The following RASGRP3 variants were observed in gnomAD, a reference collection of about 807,000 sequenced individuals.
RASGRP3 encodes ras guanyl-releasing protein 3.
A neutral mutation model predicts 82.7 loss-of-function variants in RASGRP3; 54 were observed. The ratio of observed to expected loss-of-function variants is 0.65; its 90% confidence interval spans 0.52 to 0.82. The LOEUF is 0.82. Among genes scored for constraint, RASGRP3 ranks in the 40% least tolerant of loss-of-function variants. The pLI is 0.00. For synonymous variants in RASGRP3, 309 were observed against 300.5 expected (o/e 1.03, Z -0.29); for missense variants, 861 against 828.9 (o/e 1.04, Z -0.48).
intron 2 of RASGRP3, among the ~76,000 whole-genome samples, chr2:33,471,489 T>C (rs1194332675): frequency 6.6e-6 from 1 of 152,068 alleles, no homozygotes; most frequent in African/African-American, 2.4e-5. Flanking sequence ...GCCTTATTTT[T>C]TACATCTTTA....
intron 7 of RASGRP3, 82 bp downstream of exon 7, chr2:33,522,184 G>A: frequency 1.4e-6 from 2 of 1,463,114 alleles, no homozygotes; most frequent in Middle Eastern, 2.1e-4. Flanking sequence ...ATACTCTGAA[G>A]TGTTGGCAGC....
In RASGRP3 at chr2:33,515,135, C is replaced by T. The variant is rs375302546; in HGVS notation, c.-2C>T. On this transcript the variant is annotated 5_prime_UTR_variant, in exon 3 of 18. Transcript: ENST00000403687. ...TAGTTTTTTGACAACGGCTAAATAA[C>T]CATGGGATCAAGTGGCCTTGGGAAA... 1.9e-6 allele frequency: 3 copies of T among 1,613,700 alleles called. No individual in the cohort carries two copies. Among genetic ancestry groups the T allele is most frequent in the Non-Finnish European group, 2.5e-6 (3 of 1,179,766 alleles).
intron 13 of RASGRP3, among the ~76,000 whole-genome samples, chr2:33,548,998 A>G (rs1279633291): frequency 6.6e-6 from 1 of 152,094 alleles, no homozygotes; most frequent in Non-Finnish European, 1.5e-5. Flanking sequence ...CGATTTGATC[A>G]TTTTTGATAA....
At chr2:33,449,084 G>A (rs985925913) in intron 2 of RASGRP3, among the ~76,000 whole-genome samples, 2 of 152,188 alleles carry the variant, frequency 1.3e-5, no homozygotes, top group Non-Finnish European at 2.9e-5. Context: ...ATTACTCTCT[G>A]TTTGGGGCTT....
intron 2 of RASGRP3, among the ~76,000 whole-genome samples, chr2:33,467,980 T>TTTTCTCTC (rs1553336979): frequency 8.6e-6 from 1 of 116,302 alleles, no homozygotes; most frequent in African/African-American, 3.0e-5. Flanking sequence ...TGGTGAGGCT[T>TTTTCTCTC]TTTCTTTCTT....
chr2:33,477,936 C>T (rs11693332), intron 1 of RASGRP3, among the ~76,000 whole-genome samples: 34,613 of 151,940 alleles, frequency 0.23, 4,268 homozygotes, highest in South Asian at 0.38. Flanking sequence ...ACCTGGAGTG[C>T]GCTTGTTTCC....
chr2:33,504,809 A>G (rs1290300761), intron 1 of RASGRP3, among the ~76,000 whole-genome samples: 3 of 152,176 alleles, frequency 2.0e-5, no homozygotes, highest in Non-Finnish European at 2.9e-5. Context: ...ATCTGGATGC[A>G]GTGGGAAGAC....
intron 1 of RASGRP3, among the ~76,000 whole-genome samples, chr2:33,446,970 C>A (rs1665534282): frequency 6.6e-6 from 1 of 151,850 alleles, no homozygotes; most frequent in South Asian, 2.1e-4. Flanking sequence ...GGTGAAACCC[C>A]GTCTCTGCTA....
At chr2:33,515,877 C>T (rs947037501) in intron 3 of RASGRP3, among the ~76,000 whole-genome samples, 2 of 152,178 alleles carry the variant, frequency 1.3e-5, no homozygotes, top group African/African-American at 4.8e-5. Flanking sequence ...GCAGGGTTGC[C>T]AGATAAAATA....
At chr2:33,461,252 G>C (rs1359853756) in intron 2 of RASGRP3, among the ~76,000 whole-genome samples, 4 of 152,102 alleles carry the variant, frequency 2.6e-5, no homozygotes, top group Non-Finnish European at 5.9e-5. Flanking sequence ...AAACGTTAGG[G>C]AAAACTGGAA....
intron 1 of RASGRP3, among the ~76,000 whole-genome samples, chr2:33,441,421 C>G (rs1018884828): frequency 6.6e-6 from 1 of 152,216 alleles, no homozygotes; most frequent in African/African-American, 2.4e-5. Flanking sequence ...TCCCTGGCTG[C>G]TCTCTAGTGG....
intron 2 of RASGRP3, among the ~76,000 whole-genome samples, chr2:33,458,756 T>C (rs1371440558): frequency 6.6e-6 from 1 of 152,232 alleles, no homozygotes; most frequent in African/African-American, 2.4e-5. Context: ...GAAAGTATAA[T>C]AAAGTATTTT....
chr2:33,440,692 T>G (rs1039436466), intron 1 of RASGRP3, among the ~76,000 whole-genome samples: 6 of 152,230 alleles, frequency 3.9e-5, no homozygotes, highest in Non-Finnish European at 7.3e-5. Flanking sequence ...AGAATCGTTT[T>G]TCCCCTTAGT....
intron 4 of RASGRP3, among the ~76,000 whole-genome samples, chr2:33,517,215 C>G (rs1671552941): frequency 6.6e-6 from 1 of 152,220 alleles, no homozygotes; most frequent in Non-Finnish European, 1.5e-5. Context: ...AAACACCATT[C>G]CGTAATGAAG....
intron 12 of RASGRP3, chr2:33,539,602 C>T (rs1380535929): frequency 6.6e-6 from 1 of 151,206 alleles, no homozygotes; most frequent in Non-Finnish European, 1.5e-5. Flanking sequence ...TGGATAGTTT[C>T]TCCTTTTGTA....
At chr2:33,551,471 G>C (rs1310448968) in intron 14 of RASGRP3, among the ~76,000 whole-genome samples, 1 of 152,182 alleles carries the variant, frequency 6.6e-6, no homozygotes, top group Admixed American at 6.5e-5. Flanking sequence ...GCTGGGCCAT[G>C]GTATGGCTCA....
chr2:33,529,435 C>T (rs1007548877), intron 10 of RASGRP3, among the ~76,000 whole-genome samples: 11 of 130,628 alleles, frequency 8.4e-5, no homozygotes, highest in Non-Finnish European at 1.7e-4. Flanking sequence ...GTGGAGCTTG[C>T]AGCGAGCCGA....
intron 1 of RASGRP3, among the ~76,000 whole-genome samples, chr2:33,500,638 T>TA (rs892055938): frequency 5.3e-5 from 8 of 152,098 alleles, no homozygotes; most frequent in African/African-American, 1.7e-4. Flanking sequence ...TATAGCAGGT[T>TA]AAAAAAATGA....
chr2:33,509,452 T>C (rs139932916), intron 1 of RASGRP3, among the ~76,000 whole-genome samples: 235 of 152,276 alleles, frequency 1.5e-3, no homozygotes, highest in African/African-American at 5.5e-3. Flanking sequence ...AACAATGGCT[T>C]CCCGTTGCCC....
Sources: allele counts gnomAD v4.1 joint callset (sites outside exome capture counted in the v4.1 genomes callset), GRCh38; gene constraint gnomAD v4.1.1; transcripts MANE v1.5; gene names NCBI Gene and HGNC (gene_info 2026-07-23, HGNC 2026-07-21).